Variants in RALGAPA1 observed in about 807,000 individuals in gnomAD.
The protein encoded by RALGAPA1 is ral GTPase-activating protein subunit alpha-1.
A neutral mutation model predicts 269.6 loss-of-function variants in RALGAPA1; 52 were observed. That is an observed-to-expected ratio of 0.19 (90% CI 0.15 to 0.24). The LOEUF (loss-of-function observed/expected upper bound fraction) is 0.24, where lower values mean the gene tolerates loss of function less well. Ranked by LOEUF, RALGAPA1 falls within the 10% of genes least tolerant of loss-of-function variation. RALGAPA1 has a pLI of 1.00. For synonymous variants in RALGAPA1, 817 were observed against 1,008.3 expected, an observed-to-expected ratio of 0.81 and a Z score of 3.60; for missense variants, 1,917 against 3,013.9, an observed-to-expected ratio of 0.64 and a Z score of 8.52.
intron 14 of RALGAPA1, 47 bp downstream of exon 14, chr14:35,724,977 C>G: frequency 7.1e-7 from 1 of 1,414,954 alleles, no homozygotes; most frequent in Non-Finnish European, 9.4e-7. Flanking sequence ...CAAAACAAAA[C>G]AACCCATATC....
rs146933851 is a variant in RALGAPA1 at position 35,742,362 on chromosome 14, C to T, written c.1449+6G>A. On this transcript the variant is annotated splice_donor_region_variant and intron_variant, in intron 11 of 41. Coordinates refer to ENST00000680220, the MANE Select transcript of RALGAPA1 (RefSeq NM_001346249.2). ...ACACTAAAATATATAAATCTTATAA[C>T]TTCACCTCTTCTCTTTTTTCTCCTT... The T allele has an allele frequency of 1.4e-4, 223 of 1,571,730 alleles. No homozygotes were observed. In the East Asian group the frequency reaches 4.1e-3, roughly 29 times the overall value.
At chr14:35,740,633 C>T (rs1356353021) in intron 11 of RALGAPA1, among the ~76,000 whole-genome samples, 2 of 152,094 alleles carry the variant, frequency 1.3e-5, no homozygotes, top group African/African-American at 2.4e-5. Flanking sequence ...TGGTGAAACC[C>T]TGTCTCTATT....
chr14:35,566,954 T>C (rs1311233660), intron 39 of RALGAPA1, among the ~76,000 whole-genome samples: 2 of 150,392 alleles, frequency 1.3e-5, no homozygotes, highest in Admixed American at 6.7e-5. Context: ...GTAGAGATAC[T>C]ATACTACTAG....
rs552104206 is a variant in RALGAPA1 at position 35,675,703 on chromosome 14, T to C, written c.4625-994A>G. On this transcript the variant is annotated intron_variant, in intron 22 of 41. Coordinates refer to ENST00000680220, the MANE Select transcript of RALGAPA1 (RefSeq NM_001346249.2). ...GATATCATTATAGGTTGCCTCCAGC[T>C]TTAAAAAAAAATCCATTATTCTACT... Among the ~76,000 whole-genome samples the C allele has an allele frequency of 2.6e-5, 4 of 152,088 alleles. No homozygotes were observed. In the South Asian group the frequency reaches 8.3e-4, roughly 32 times the overall value.
At chr14:35,733,399 C>T (rs967235413) in intron 12 of RALGAPA1, among the ~76,000 whole-genome samples, 1 of 152,128 alleles carries the variant, frequency 6.6e-6, no homozygotes, top group African/African-American at 2.4e-5. Flanking sequence ...ATTGCTTGAA[C>T]CCGGGAGGTG....
chr14:35,748,678 A>C lies in RALGAPA1; in HGVS notation c.1158T>G (p.Ile386Met). The part of the protein sequence containing the change: ...REPSSSSLCS[I>M]DEEHLTDIEI... ...CAATGTCTGTGAGATGTTCTTCATC[A>C]ATACTACAGAGACTAGATGAGCTAG... The change falls in exon 10 of 42, where the codon ATT (isoleucine) becomes ATG (methionine). Residue 386 changes from isoleucine to methionine, a missense_variant. Physicochemically the swap from Ile to Met is conservative, Grantham distance 10. Transcript: ENST00000680220. The C allele has an allele frequency of 6.2e-7, 1 of 1,613,304 alleles. No homozygotes were observed. The highest frequency in any genetic ancestry group is 8.5e-7 in the Non-Finnish European group (1 of 1,179,714).
At chr14:35,562,944 C>T (rs1293161354) in intron 39 of RALGAPA1, among the ~76,000 whole-genome samples, 1 of 143,932 alleles carries the variant, frequency 6.9e-6, no homozygotes, top group African/African-American at 2.6e-5. Flanking sequence ...CTGCTTGAAC[C>T]CAGGAGGTGG....
chr14:35,672,028 T>C (rs1461000695), intron 25 of RALGAPA1, among the ~76,000 whole-genome samples: 1 of 152,214 alleles, frequency 6.6e-6, no homozygotes, highest in African/African-American at 2.4e-5. Flanking sequence ...ATTATTCATT[T>C]ACTTTGCCTT....
At chr14:35,628,838 T>G (rs182750106) in intron 33 of RALGAPA1, among the ~76,000 whole-genome samples, 34 of 152,166 alleles carry the variant, frequency 2.2e-4, no homozygotes, top group Admixed American at 2.2e-3. Context: ...TTCCCTCAAG[T>G]ACAATACAGA....
intron 8 of RALGAPA1, among the ~76,000 whole-genome samples, chr14:35,751,072 C>T (rs1467183129): frequency 6.6e-6 from 1 of 152,160 alleles, no homozygotes; most frequent in Non-Finnish European, 1.5e-5. Context: ...GTTGCCTAAA[C>T]TTGGTATTAG....
intron 7 of RALGAPA1, 55 bp from the exon 8 acceptor site, chr14:35,752,217 C>T (rs1450459558): frequency 2.1e-6 from 3 of 1,413,522 alleles, no homozygotes; most frequent in Non-Finnish European, 2.8e-6. Context: ...CTCTTAAATG[C>T]AAGTATTAGC....
In RALGAPA1 at chr14:35,809,292, G is replaced by GT; in HGVS notation, c.-458dup. 6.4e-6 allele frequency: 1 copy of GT among 156,576 alleles called. No homozygotes were observed. The highest frequency in any genetic ancestry group is 1.9e-4 in the South Asian group (1 of 5,322). The allele number at this position is 156,576 out of a possible 1,614,324, so 9.7% of individuals were successfully genotyped here. A position where few individuals can be genotyped will look rare whatever the true frequency, so the allele number is the denominator to read the frequency against. ...CCTGCAGAGGCCGAAACGGAGACGA[G>GT]TGTGGTAGTGATGGGGTTTCACGAC... On this transcript the variant is annotated 5_prime_UTR_variant, in exon 1 of 42. Coordinates refer to ENST00000680220, the MANE Select transcript of RALGAPA1 (RefSeq NM_001346249.2).
rs553614443 is a variant in RALGAPA1 at position 35,709,060 on chromosome 14, T to G, written c.2267-8758A>C. Among the ~76,000 whole-genome samples the G allele has an allele frequency of 3.3e-5, 5 of 151,780 alleles. No individual in the cohort carries two copies. In the South Asian group the frequency reaches 1.0e-3, roughly 32 times the overall value. On this transcript the variant is annotated intron_variant, in intron 16 of 41. Transcript: ENST00000680220. Reference sequence around the variant, plus strand: ...ATCATGGAGATAGAGAGTAGAAGGATAGTTACTAGAGGCTCAGAAGTACAG... The same window carrying G: ...ATCATGGAGATAGAGAGTAGAAGGAGAGTTACTAGAGGCTCAGAAGTACAG...
chr14:35,707,109 T>G (rs1455104828), intron 16 of RALGAPA1: 1 of 152,236 alleles, frequency 6.6e-6, no homozygotes, highest in African/African-American at 2.4e-5. Context: ...GATGCTAATG[T>G]AAATGGTACT....
intron 27 of RALGAPA1, among the ~76,000 whole-genome samples, chr14:35,664,033 T>C (rs946431855): frequency 3.3e-5 from 5 of 152,188 alleles, no homozygotes; most frequent in Admixed American, 1.3e-4. Context: ...GAAAACATTT[T>C]GAAGACTTAT....
intron 1 of RALGAPA1, among the ~76,000 whole-genome samples, chr14:35,792,345 C>T (rs1011897180): frequency 3.3e-5 from 5 of 152,008 alleles, no homozygotes; most frequent in Non-Finnish European, 5.9e-5. Flanking sequence ...TCAGTAGAGA[C>T]GTGGTTTCAC....
intron 37 of RALGAPA1, among the ~76,000 whole-genome samples, chr14:35,579,212 G>A (rs1238501015): frequency 6.6e-6 from 1 of 152,162 alleles, no homozygotes; most frequent in Non-Finnish European, 1.5e-5. Context: ...TGACATGTTG[G>A]AAGGTCAGAA....
At chr14:35,599,574 G>A (rs1015882515) in intron 36 of RALGAPA1, among the ~76,000 whole-genome samples, 10 of 151,992 alleles carry the variant, frequency 6.6e-5, no homozygotes, top group African/African-American at 2.2e-4. Flanking sequence ...TTGAAACCCT[G>A]TCTCTACCAA....
intron 3 of RALGAPA1, 60 bp downstream of exon 3, chr14:35,774,946 C>T: frequency 1.0e-6 from 1 of 992,866 alleles, no homozygotes; most frequent in South Asian, 1.4e-5. Flanking sequence ...AAATATATTC[C>T]TTTGTATGTT....
Sources: allele counts gnomAD v4.1 joint callset (sites outside exome capture counted in the v4.1 genomes callset), GRCh38; gene constraint gnomAD v4.1.1; transcripts MANE v1.5; gene names NCBI Gene and HGNC (gene_info 2026-07-23, HGNC 2026-07-21).